Variants in MCTP1 observed in about 807,000 individuals in gnomAD.
MCTP1 encodes multiple C2 and transmembrane domain containing 1, also known as multiple C2 and transmembrane domain-containing protein 1.
In MCTP1, 69 loss-of-function variants were observed where a neutral mutation model predicts 120.6. The observed-to-expected ratio is 0.57, with a 90% CI of 0.47 to 0.70. The LOEUF (loss-of-function observed/expected upper bound fraction) is 0.70. MCTP1 is among the 30% of genes least tolerant of loss of function. The pLI is 0.00. For synonymous variants in MCTP1, 529 were observed against 493.1 expected (o/e 1.07, Z -0.96); for missense variants, 1,203 against 1,248.8 (o/e 0.96, Z 0.55).
At chr5:95,028,502 T>C (rs79953787) in intron 1 of MCTP1, among the ~76,000 whole-genome samples, 2,054 of 152,272 alleles carry the variant, frequency 0.013, 49 homozygotes, top group African/African-American at 0.048. Flanking sequence ...GCTCCCAGAA[T>C]GTCTTTTCTG....
chr5:95,175,340 C>G (rs775713631), intron 1 of MCTP1, among the ~76,000 whole-genome samples: 1 of 152,124 alleles, frequency 6.6e-6, no homozygotes, highest in Admixed American at 6.6e-5. Context: ...CAGGCAAACA[C>G]GCAGGAAATG....
Position 95,039,878 on chromosome 5 carries a change from CAAAAAAAAAAAAA to C in MCTP1, c.721-22407_721-22395del, listed in dbSNP as rs57011733. Among the ~76,000 whole-genome samples, 5 of 77,614 alleles carry C rather than the reference CAAAAAAAAAAAAA, an allele frequency of 6.4e-5. 1 individual carries two copies. The highest frequency in any genetic ancestry group is 2.6e-4 in the African/African-American group (5 of 19,406). 50.9% of individuals were successfully genotyped at this position (77,614 alleles called of 152,430 possible). A position where few individuals can be genotyped will look rare whatever the true frequency, so the allele number is the denominator to read the frequency against. On this transcript the variant is annotated intron_variant, in intron 1 of 22. Coordinates refer to ENST00000515393, the MANE Select transcript of MCTP1 (RefSeq NM_024717.7). Reference sequence around the variant, plus strand: ...TTATGAGTCTTCTCAGTACCGTTTGCAAAAAAAAAAAAAAAAAAAAAAAAGAAAGATCTAAACT... The same window carrying C: ...TTATGAGTCTTCTCAGTACCGTTTGCAAAAAAAAAAAGAAAGATCTAAACT...
At chr5:95,254,912 A>G (rs1757726142) in intron 1 of MCTP1, among the ~76,000 whole-genome samples, 1 of 152,194 alleles carries the variant, frequency 6.6e-6, no homozygotes, top group African/African-American at 2.4e-5. Context: ...GTGGGATACA[A>G]CCCATTAGTG....
At chr5:95,216,099 CTT>C (rs1292672382) in intron 1 of MCTP1, among the ~76,000 whole-genome samples, 3 of 152,090 alleles carry the variant, frequency 2.0e-5, no homozygotes, top group African/African-American at 4.8e-5. Flanking sequence ...TAAATTAACT[CTT>C]ATCTTTGGCA....
At chr5:94,811,075 T>C (rs188035649) in intron 17 of MCTP1, among the ~76,000 whole-genome samples, 1 of 152,200 alleles carries the variant, frequency 6.6e-6, no homozygotes, top group Non-Finnish European at 1.5e-5. Context: ...AATCCCTCTG[T>C]TCTGGAAAAA....
At chr5:94,899,849 GTTCT>G (rs1561826788) in intron 10 of MCTP1, among the ~76,000 whole-genome samples, 1 of 152,130 alleles carries the variant, frequency 6.6e-6, no homozygotes, top group Non-Finnish European at 1.5e-5. Flanking sequence ...CCTGCCTCAT[GTTCT>G]TTCTTTCTCA....
chr5:95,268,003 C>G (rs918955877), intron 1 of MCTP1, among the ~76,000 whole-genome samples: 11 of 152,230 alleles, frequency 7.2e-5, no homozygotes, highest in African/African-American at 2.7e-4. Context: ...TATTTTCATT[C>G]GATCCTAAAT....
intron 1 of MCTP1, among the ~76,000 whole-genome samples, chr5:95,187,422 T>A (rs538063995): frequency 2.4e-4 from 37 of 152,300 alleles, no homozygotes; most frequent in African/African-American, 8.9e-4. Flanking sequence ...TGTTTTGAGA[T>A]GGAGTCTTGC....
At chr5:95,011,857 C>T (rs756829410) in intron 2 of MCTP1, among the ~76,000 whole-genome samples, 4 of 152,066 alleles carry the variant, frequency 2.6e-5, no homozygotes, top group Non-Finnish European at 4.4e-5. Context: ...ATTAAATGTT[C>T]CTTTAAGTTG....
chr5:94,778,881 G>T (rs77587867), intron 19 of MCTP1, among the ~76,000 whole-genome samples: 5,562 of 152,078 alleles, frequency 0.037, 120 homozygotes, highest in Middle Eastern at 0.054. Flanking sequence ...TTATTTTTTT[G>T]TTTGTTCTTG....
intron 1 of MCTP1, among the ~76,000 whole-genome samples, chr5:95,027,321 G>C (rs921476659): frequency 6.6e-6 from 1 of 152,208 alleles, no homozygotes; most frequent in African/African-American, 2.4e-5. Context: ...TAGCTGATTA[G>C]ACATGAGCTG....
intron 2 of MCTP1, among the ~76,000 whole-genome samples, chr5:94,957,936 G>C (rs1823058631): frequency 6.6e-6 from 1 of 152,154 alleles, no homozygotes; most frequent in Non-Finnish European, 1.5e-5. Context: ...GACATCTACA[G>C]AATTCTCCAC....
At chr5:95,187,815 G>A (rs1749387695) in intron 1 of MCTP1, among the ~76,000 whole-genome samples, 2 of 152,090 alleles carry the variant, frequency 1.3e-5, no homozygotes, top group African/African-American at 4.8e-5. Flanking sequence ...TAGCACAACA[G>A]GGTGACTATA....
At chr5:95,268,151 T>C (rs1269374590) in intron 1 of MCTP1, among the ~76,000 whole-genome samples, 1 of 152,242 alleles carries the variant, frequency 6.6e-6, no homozygotes, top group African/African-American at 2.4e-5. Flanking sequence ...AATTTGCATA[T>C]TTTTTAATGT....
At chr5:94,782,823 A>G (rs1468595341) in intron 18 of MCTP1, among the ~76,000 whole-genome samples, 1 of 152,144 alleles carries the variant, frequency 6.6e-6, no homozygotes, top group East Asian at 1.9e-4. Flanking sequence ...ATTTCCTTGA[A>G]GGGGAAAAAA....
At chr5:94,989,425 T>C (rs1831084592) in intron 2 of MCTP1, among the ~76,000 whole-genome samples, 1 of 152,242 alleles carries the variant, frequency 6.6e-6, no homozygotes, top group South Asian at 2.1e-4. Context: ...GCTTAAATGC[T>C]CAGTCTCACA....
rs77492177 is a variant in MCTP1 at position 95,205,574 on chromosome 5, T to C, written c.720+78282A>G. ...GCACCCCACAGAACAGGAAAAGCTA[T>C]TTGCAAATCATGTTTGATAAGGGAC... On this transcript the variant is annotated intron_variant, in intron 1 of 22. Coordinates refer to ENST00000515393, the MANE Select transcript of MCTP1 (RefSeq NM_024717.7). Among the ~76,000 whole-genome samples, 848 of 152,236 alleles carry C rather than the reference T, an allele frequency of 5.6e-3. 4 individuals are homozygous for C. Among genetic ancestry groups the C allele is most frequent in the South Asian group, 0.026 (124 of 4,822 alleles).
At chr5:94,750,639 G>A (rs1406157263) in intron 19 of MCTP1, among the ~76,000 whole-genome samples, 1 of 152,224 alleles carries the variant, frequency 6.6e-6, no homozygotes, top group Non-Finnish European at 1.5e-5. Flanking sequence ...GGCTTAACGT[G>A]AGGGTGACAA....
chr5:95,049,365 A>G (rs1582028265), intron 1 of MCTP1, among the ~76,000 whole-genome samples: 2 of 152,198 alleles, frequency 1.3e-5, no homozygotes, highest in African/African-American at 4.8e-5. Context: ...CACCGTTAAG[A>G]GCAAAGTTTG....
Sources: gnomAD v4.1 joint callset for allele counts (sites outside exome capture counted in the v4.1 genomes callset) on GRCh38, gnomAD v4.1.1 for gene constraint, MANE v1.5 for transcripts, NCBI Gene and HGNC (gene_info 2026-07-23, HGNC 2026-07-21) for gene names.